Variants in CBR4 observed in about 807,000 individuals in gnomAD.
CBR4 encodes the protein 3-oxoacyl-[acyl-carrier-protein] reductase.
In CBR4, 22 loss-of-function variants were observed where a neutral mutation model predicts 21.0. That is an observed-to-expected ratio of 1.05 (90% CI 0.75 to 1.50). The LOEUF (loss-of-function observed/expected upper bound fraction) is 1.50, where lower values mean the gene tolerates loss of function less well. Among genes scored for constraint, CBR4 ranks in the 40% most tolerant of loss-of-function variants. The pLI, the probability that CBR4 is intolerant of heterozygous loss-of-function variation, is 0.00. For missense variants in CBR4, 302 were observed against 286.3 expected (o/e 1.05, Z -0.40); for synonymous variants, 100 against 104.4 (o/e 0.96, Z 0.26).
intron 4 of CBR4, among the ~76,000 whole-genome samples, chr4:168,998,546 T>G (rs113159199): frequency 2.0e-5 from 3 of 152,170 alleles, no homozygotes; most frequent in Admixed American, 2.0e-4. Flanking sequence ...GGAATGAATG[T>G]TAATGGGTTT....
At chr4:168,993,683 T>C (rs1162869208) in intron 4 of CBR4, among the ~76,000 whole-genome samples, 1 of 152,178 alleles carries the variant, frequency 6.6e-6, no homozygotes, top group Non-Finnish European at 1.5e-5. Context: ...TCTAGCAAAA[T>C]TAGCATAGAA....
intron 2 of CBR4, among the ~76,000 whole-genome samples, chr4:168,966,083 G>A (rs1764016803): frequency 6.6e-6 from 1 of 152,008 alleles, no homozygotes; most frequent in African/African-American, 2.4e-5. Flanking sequence ...GTGGGCAAAG[G>A]ATATTAACAG....
At chr4:168,913,327 C>T (rs897789645) in intron 2 of CBR4, among the ~76,000 whole-genome samples, 12 of 151,924 alleles carry the variant, frequency 7.9e-5, no homozygotes, top group African/African-American at 2.4e-4. Flanking sequence ...TTAGTAGAGA[C>T]GGGGTTTCAC....
intron 2 of CBR4, among the ~76,000 whole-genome samples, chr4:168,956,597 CAAAAAAAAAAAAAAA>C (rs59962690): frequency 3.7e-4 from 11 of 29,708 alleles, no homozygotes; most frequent in South Asian, 2.3e-3. Context: ...GACCCTGTCT[CAAAAAAAAAAAAAAA>C]AAAAAAAAAA....
chr4:169,007,806 T>C lies in CBR4; in HGVS notation c.143-50A>G, dbSNP rs777063011. On this transcript the variant is annotated intron_variant, in intron 1 of 4. Coordinates refer to ENST00000306193, the MANE Select transcript of CBR4 (RefSeq NM_032783.5). ...TTACTTATAACTCAAATTTTAAATT[T>C]ACTCAATACACATTTGTTAAGCATC... is the stretch of plus-strand genomic sequence containing the variant. The C allele has an allele frequency of 2.2e-6, 3 of 1,349,264 alleles. No homozygotes were observed. In the African/African-American group the frequency reaches 4.4e-5, roughly 20 times the overall value. 83.6% of individuals were successfully genotyped at this position (1,349,264 alleles called of 1,614,324 possible). A position where few individuals can be genotyped will look rare whatever the true frequency, so the allele number is the denominator to read the frequency against.
intron 2 of CBR4, among the ~76,000 whole-genome samples, chr4:168,969,529 G>C (rs1299844276): frequency 6.6e-6 from 1 of 152,066 alleles, no homozygotes; most frequent in Non-Finnish European, 1.5e-5. Flanking sequence ...TTTTCTAGCT[G>C]GTCAGAAAAC....
At chr4:168,954,848 T>C (rs11733358) in intron 2 of CBR4, among the ~76,000 whole-genome samples, 3,347 of 152,166 alleles carry the variant, frequency 0.022, 52 homozygotes, top group Non-Finnish European at 0.031. Context: ...TCAGTCAAGA[T>C]TGGAACAGAT....
chr4:168,972,356 T>G (rs538473170), intron 2 of CBR4, among the ~76,000 whole-genome samples: 1 of 152,322 alleles, frequency 6.6e-6, no homozygotes, highest in South Asian at 2.1e-4. Flanking sequence ...ATTGAACTTA[T>G]AGATTGCTTT....
chr4:168,977,109 G>A (rs540822450), intron 2 of CBR4, among the ~76,000 whole-genome samples: 1 of 152,294 alleles, frequency 6.6e-6, no homozygotes, highest in African/African-American at 2.4e-5. Flanking sequence ...TCCTGTGGTG[G>A]TTCTTGGAGT....
chr4:168,913,844 A>G (rs1263677952), intron 2 of CBR4: 1 of 918,568 alleles, frequency 1.1e-6, no homozygotes, highest in Non-Finnish European at 1.8e-6. Context: ...AATGTCTTAT[A>G]GAGAATAGGA....
chr4:168,950,835 T>C (rs982899710), intron 2 of CBR4, among the ~76,000 whole-genome samples: 9 of 152,226 alleles, frequency 5.9e-5, no homozygotes, highest in African/African-American at 1.9e-4. Flanking sequence ...TTTATCACTA[T>C]ATAATGTCCC....
At chr4:168,992,053 ATTAC>A (rs2126813638) in intron 4 of CBR4, among the ~76,000 whole-genome samples, 1 of 152,330 alleles carries the variant, frequency 6.6e-6, no homozygotes, top group African/African-American at 2.4e-5. Flanking sequence ...ATACTATGTA[ATTAC>A]TTAACTTTCC....
intron 2 of CBR4, chr4:168,927,843 A>C (rs1405487605): frequency 2.3e-5 from 5 of 213,572 alleles, no homozygotes; most frequent in Non-Finnish European, 3.8e-5. Context: ...GTAGTATAAA[A>C]CATGAGGCTT....
intron 2 of CBR4, among the ~76,000 whole-genome samples, chr4:168,937,395 T>C (rs1425087337): frequency 6.6e-6 from 1 of 152,046 alleles, no homozygotes; most frequent in Non-Finnish European, 1.5e-5. Flanking sequence ...ATGAAGAAAC[T>C]GCATCAACTA....
chr4:168,899,251 G>A (rs1020934419), intron 2 of CBR4, among the ~76,000 whole-genome samples: 1 of 152,148 alleles, frequency 6.6e-6, no homozygotes, highest in South Asian at 2.1e-4. Context: ...AGGATGACCT[G>A]GATGGGAGCT....
downstream of CBR4, among the ~76,000 whole-genome samples, chr4:168,985,243 AT>A (rs773203768): frequency 6.6e-6 from 1 of 152,194 alleles, no homozygotes; most frequent in Non-Finnish European, 1.5e-5. Context: ...GTGAACAGAC[AT>A]TTCTCAAAAG....
intron 2 of CBR4, chr4:168,903,962 G>T: frequency 6.8e-7 from 1 of 1,474,060 alleles, no homozygotes; most frequent in South Asian, 1.1e-5. Context: ...ACAGGCATTT[G>T]ATTAGACAAA....
intron 2 of CBR4, among the ~76,000 whole-genome samples, chr4:168,911,822 C>T (rs895453759): frequency 1.3e-5 from 2 of 152,174 alleles, no homozygotes; most frequent in Non-Finnish European, 1.5e-5. Context: ...TGGAAATTTT[C>T]AGGAAACACA....
At chr4:168,992,797 T>C (rs1266626535) in intron 4 of CBR4, among the ~76,000 whole-genome samples, 1 of 152,188 alleles carries the variant, frequency 6.6e-6, no homozygotes, top group African/African-American at 2.4e-5. Flanking sequence ...TGTATTCAGA[T>C]AAAAAGTTGT....
Sources: allele counts gnomAD v4.1 joint callset (sites outside exome capture counted in the v4.1 genomes callset), GRCh38; gene constraint gnomAD v4.1.1; transcripts MANE v1.5; gene names NCBI Gene and HGNC (gene_info 2026-07-23, HGNC 2026-07-21).